TSPAN9: variants seen among roughly 807,000 people sequenced by gnomAD.
TSPAN9 encodes tetraspanin-9.
Under a neutral mutation model 31.0 loss-of-function variants are expected in TSPAN9, and 16 were observed. That is an observed-to-expected ratio of 0.52 (90% confidence interval 0.35 to 0.78). The LOEUF is 0.78. TSPAN9 is among the 30% of genes least tolerant of loss of function. The probability of loss-of-function intolerance (pLI) is 0.01; values close to 1 mark genes in which losing one functional copy is unlikely to be tolerated. For synonymous variants in TSPAN9, 145 were observed against 121.6 expected (o/e 1.19, Z -1.27); for missense variants, 272 against 312.5 (o/e 0.87, Z 0.98).
Position 3,147,643 on chromosome 12 carries a change from C to T in TSPAN9, c.-17-53534C>T, listed in dbSNP as rs180801567. Among the ~76,000 whole-genome samples the T allele has an allele frequency of 3.4e-4, 52 of 152,274 alleles. No homozygotes were observed. Among genetic ancestry groups the T allele is most frequent in the South Asian group, 1.2e-3 (6 of 4,818 alleles). ...ACAGTAGCCACCGGCTACATGTGGC[C>T]GTTGAGCATTGAAAATGGGACTGAA... On this transcript the variant is annotated intron_variant, in intron 2 of 8. Coordinates refer to ENST00000011898, the MANE Select transcript of TSPAN9 (RefSeq NM_006675.5). This position sits in a 1 kb window ranked among gnomAD's most constrained non-coding sequence, Gnocchi z 4.3.
intron 3 of TSPAN9, among the ~76,000 whole-genome samples, chr12:3,250,355 T>C (rs1285531549): frequency 6.6e-6 from 1 of 152,226 alleles, no homozygotes; most frequent in African/African-American, 2.4e-5. Context: ...GTTGGCCCTC[T>C]TCACTGTCCT....
chr12:3,269,319 CGTTCCTGCAGCCTGCCCTCCCTGT>C (rs1565640112), intron 3 of TSPAN9, among the ~76,000 whole-genome samples: 3 of 21,342 alleles, frequency 1.4e-4, no homozygotes, highest in African/African-American at 3.4e-4. Context: ...GCCCTCCGTG[CGTTCCTGCAGCCTGCCCTCCCTGT>C]GTTCCTGCAG....
At position 3,205,321 on chromosome 12, in the gene TSPAN9, C is replaced by A. The variant is rs376400154; in HGVS notation, c.63+4065C>A. ...GAGGAGGCCGTGTTCAGCCAGCCTG[C>A]TGGAACAGGGAAAAGGTTGGCGCAG... On this transcript the variant is annotated intron_variant, in intron 3 of 8. Coordinates refer to ENST00000011898, the MANE Select transcript of TSPAN9 (RefSeq NM_006675.5). Among the ~76,000 whole-genome samples, 46 of 152,342 alleles carry A rather than the reference C, an allele frequency of 3.0e-4. No individual in the cohort carries two copies. The South Asian group carries it at 6.2e-3, about 21-fold the overall frequency.
intron 2 of TSPAN9, among the ~76,000 whole-genome samples, chr12:3,116,278 C>G (rs2098322376): frequency 6.6e-6 from 1 of 152,200 alleles, no homozygotes; most frequent in Non-Finnish European, 1.5e-5. Flanking sequence ...GGTTCACAAA[C>G]AAGTTCTGCT....
At chr12:3,120,011 A>G (rs1438061342) in intron 2 of TSPAN9, among the ~76,000 whole-genome samples, 1 of 152,180 alleles carries the variant, frequency 6.6e-6, no homozygotes, top group Non-Finnish European at 1.5e-5. Flanking sequence ...TTCGTGCCAG[A>G]TGATCCTGGA....
intron 3 of TSPAN9, among the ~76,000 whole-genome samples, chr12:3,257,601 T>C (rs1027645210): frequency 2.6e-5 from 4 of 151,986 alleles, no homozygotes; most frequent in East Asian, 3.9e-4. Flanking sequence ...CAACAAGCTC[T>C]CTTGTGAAAA....
At chr12:3,087,586 T>A (rs904992440) in intron 2 of TSPAN9, among the ~76,000 whole-genome samples, 6 of 151,844 alleles carry the variant, frequency 4.0e-5, no homozygotes, top group African/African-American at 1.5e-4. Context: ...GGCAGGCAAA[T>A]CATGAGGTCG....
At chr12:3,121,870 T>C (rs2098325296) in intron 2 of TSPAN9, among the ~76,000 whole-genome samples, 1 of 152,190 alleles carries the variant, frequency 6.6e-6, no homozygotes, top group East Asian at 1.9e-4. Context: ...TTCCACCTTG[T>C]AGGTACTTGA....
chr12:3,174,622 G>A (rs538658413), intron 2 of TSPAN9, among the ~76,000 whole-genome samples: 5 of 151,900 alleles, frequency 3.3e-5, no homozygotes, highest in South Asian at 2.1e-4. Flanking sequence ...TCACTCTGTC[G>A]CCCAGGCTGG....
intron 3 of TSPAN9, among the ~76,000 whole-genome samples, chr12:3,229,991 A>G (rs973094157): frequency 3.3e-5 from 5 of 152,202 alleles, no homozygotes; most frequent in African/African-American, 1.2e-4. Context: ...GGTCCCCATC[A>G]AGAGACAAGA....
chr12:3,210,842 C>T (rs2098378296), intron 3 of TSPAN9, among the ~76,000 whole-genome samples: 1 of 151,314 alleles, frequency 6.6e-6, no homozygotes, highest in South Asian at 2.1e-4. Context: ...CTTCTCTAGG[C>T]TCAAGTGATC....
rs192445568 is a variant in TSPAN9 at position 3,109,765 on chromosome 12, T to A, written c.-18+26046T>A. Among the ~76,000 whole-genome samples the A allele has an allele frequency of 3.2e-3, 418 of 132,676 alleles. 2 individuals carry two copies. The highest frequency in any genetic ancestry group is 0.012 in the African/African-American group (389 of 33,568). The allele number at this position is 132,676 out of a possible 152,430, so 87.0% of individuals were successfully genotyped here. On this transcript the variant is annotated intron_variant, in intron 2 of 8. Transcript: ENST00000011898. ...GTCAGCCGAGATCGCACCACTGCAC[T>A]CCAGCCTGGGCAACAAGAGCAAAAC...
chr12:3,277,818 A>G (rs1310637697), intron 3 of TSPAN9, among the ~76,000 whole-genome samples: 1 of 152,132 alleles, frequency 6.6e-6, no homozygotes, highest in African/African-American at 2.4e-5. Flanking sequence ...CGTCCCGCAC[A>G]CTGGCCAGGC....
At chr12:3,203,676 A>G (rs1398802964) in intron 3 of TSPAN9, among the ~76,000 whole-genome samples, 3 of 152,246 alleles carry the variant, frequency 2.0e-5, no homozygotes, top group Non-Finnish European at 4.4e-5. Flanking sequence ...GCAGGGAAAA[A>G]TTGAATCTCC....
intron 2 of TSPAN9, among the ~76,000 whole-genome samples, chr12:3,195,289 G>A (rs1209169086): frequency 6.6e-6 from 1 of 152,208 alleles, no homozygotes; most frequent in Admixed American, 6.5e-5. Flanking sequence ...AATTCACAGA[G>A]AGGCAGAGAG....
At chr12:3,181,538 A>G (rs899696582) in intron 2 of TSPAN9, among the ~76,000 whole-genome samples, 6 of 152,182 alleles carry the variant, frequency 3.9e-5, no homozygotes, top group African/African-American at 1.4e-4. Flanking sequence ...AATGACAGCA[A>G]GGCTGCCTGG....
intron 3 of TSPAN9, among the ~76,000 whole-genome samples, chr12:3,227,614 T>C (rs919790181): frequency 4.0e-4 from 61 of 152,314 alleles, no homozygotes; most frequent in African/African-American, 1.5e-3. Flanking sequence ...AGTGTTTGTG[T>C]GGCAGGCAGG....
intron 2 of TSPAN9, among the ~76,000 whole-genome samples, chr12:3,116,171 A>G (rs1349926547): frequency 6.6e-6 from 1 of 152,238 alleles, no homozygotes; most frequent in Non-Finnish European, 1.5e-5. Flanking sequence ...ATTTGATCAC[A>G]GCCTGCCAAC....
At chr12:3,245,031 C>T (rs1245693778) in intron 3 of TSPAN9, among the ~76,000 whole-genome samples, 1 of 152,206 alleles carries the variant, frequency 6.6e-6, no homozygotes, top group Non-Finnish European at 1.5e-5. Context: ...AGCAGCCCAG[C>T]CTATCTAGGT....
Sources: gnomAD v4.1 joint callset for allele counts (sites outside exome capture counted in the v4.1 genomes callset) on GRCh38, gnomAD v4.1.1 for gene constraint, Gnocchi (gnomAD v3.1) non-coding constraint, MANE v1.5 for transcripts, NCBI Gene and HGNC (gene_info 2026-07-23, HGNC 2026-07-21) for gene names.